Variants in IL2RA observed in about 807,000 individuals in gnomAD.
IL2RA encodes interleukin 2 receptor subunit alpha, also known as interleukin-2 receptor subunit alpha.
Under a neutral mutation model 37.8 loss-of-function variants are expected in IL2RA, and 24 were observed. The observed-to-expected ratio is 0.63, with a 90% CI of 0.46 to 0.89. IL2RA has a LOEUF of 0.89. Ranked by LOEUF, IL2RA falls within the 40% of genes least tolerant of loss-of-function variation. The pLI is 0.00. For missense variants in IL2RA, 319 were observed against 348.6 expected, an observed-to-expected ratio of 0.92 and a Z score of 0.68; for synonymous variants, 125 against 114.6, an observed-to-expected ratio of 1.09 and a Z score of -0.58.
chr10:6,051,711 G>T (rs1411787810), intron 1 of IL2RA, among the ~76,000 whole-genome samples: 1 of 143,770 alleles, frequency 7.0e-6, no homozygotes, highest in Non-Finnish European at 1.5e-5. Flanking sequence ...GTAGAGACGG[G>T]GTTTCACCAT....
chr10:6,019,328 C>T (rs1839339004), intron 6 of IL2RA, 100 bp downstream of exon 6: 10 of 894,490 alleles, frequency 1.1e-5, no homozygotes, highest in Non-Finnish European at 1.7e-5. Context: ...ACCAACTAAC[C>T]AACCTACCAG....
Position 6,047,235 on chromosome 10 carries a change from T to A in IL2RA, c.64+14853A>T, listed in dbSNP as rs1319065564. 6.6e-6 allele frequency among the ~76,000 whole-genome samples: 1 copy of A among 152,192 alleles called. No homozygotes were observed. Among genetic ancestry groups the A allele is most frequent in the East Asian group, 1.9e-4 (1 of 5,194 alleles). The stretch of plus-strand genomic sequence containing the variant: ...CAGGTAGCCCAAGGAACAACCCCCA[T>A]GCCAACAGCACTCCATCCCGACCTC... On this transcript the variant is annotated intron_variant, in intron 1 of 7. Coordinates refer to ENST00000379959, the MANE Select transcript of IL2RA (RefSeq NM_000417.3). The surrounding 1 kb of genome is among the most constrained non-coding windows in gnomAD (Gnocchi z 5.0).
Position 6,012,565 on chromosome 10 carries a change from T to C in IL2RA, c.*307A>G, listed in dbSNP as rs1839206919. 6.0e-6 allele frequency: 3 copies of C among 500,388 alleles called. No homozygotes were observed. The allele number at this position is 500,388 out of a possible 1,614,324, so 31.0% of individuals were successfully genotyped here. ...GGTGGAGAGAGTTCCATACCATTCA[T>C]GCTTTAATGAACACATATACATGAA... On this transcript the variant is annotated 3_prime_UTR_variant, in exon 8 of 8. Coordinates refer to ENST00000379959, the MANE Select transcript of IL2RA (RefSeq NM_000417.3). The surrounding 1 kb of genome is among the most constrained non-coding windows in gnomAD (Gnocchi z 4.8).
At position 6,035,385 on chromosome 10, in the gene IL2RA, C is replaced by G. The variant is rs540403439; in HGVS notation, c.65-9360G>C. On this transcript the variant is annotated intron_variant, in intron 1 of 7. Transcript: ENST00000379959. The surrounding 1 kb of genome is among the most constrained non-coding windows in gnomAD (Gnocchi z 5.4). ...CCAGGCCAAGTTCTAGGTGGGCTTC[C>G]CAAAGCCACATTCAGGCAGGACGGA... Among the ~76,000 whole-genome samples the G allele has an allele frequency of 5.9e-5, 9 of 152,286 alleles. No homozygotes were observed. The South Asian group carries it at 1.9e-3, about 32-fold the overall frequency.
At chr10:6,023,938 C>A (rs1446456063) in intron 3 of IL2RA, among the ~76,000 whole-genome samples, 1 of 152,248 alleles carries the variant, frequency 6.6e-6, no homozygotes. Context: ...GGGCCTGGCA[C>A]ACAGACCCAA....
Position 6,054,531 on chromosome 10 carries a change from G to A in IL2RA, c.64+7557C>T, listed in dbSNP as rs1049860071. Among the ~76,000 whole-genome samples, 8 of 152,132 alleles carry A rather than the reference G, an allele frequency of 5.3e-5. No individual in the cohort carries two copies. Among genetic ancestry groups the A allele is most frequent in the African/African-American group, 1.7e-4 (7 of 41,508 alleles). On this transcript the variant is annotated intron_variant, in intron 1 of 7. Coordinates refer to ENST00000379959, the MANE Select transcript of IL2RA (RefSeq NM_000417.3). The surrounding 1 kb of genome is among the most constrained non-coding windows in gnomAD (Gnocchi z 4.5). ...CGAGAATCTGAGACTCATTTGCTTG[G>A]CACACACACACAAAACTTCATGTAT...
At chr10:6,017,742 A>G (rs1839303557) in intron 7 of IL2RA, among the ~76,000 whole-genome samples, 1 of 151,772 alleles carries the variant, frequency 6.6e-6, no homozygotes, top group Non-Finnish European at 1.5e-5. Context: ...TGCCCAACTG[A>G]TTTTTTGTAT....
intron 7 of IL2RA, among the ~76,000 whole-genome samples, chr10:6,017,572 A>ATTTTTTTTTT (rs71390109): frequency 3.8e-5 from 4 of 104,862 alleles, no homozygotes; most frequent in Admixed American, 1.1e-4. Context: ...TGGTCGTTTA[A>ATTTTTTTTTT]TTTTTTTTTT....
chr10:6,062,034 A>G, intron 1 of IL2RA, 54 bp downstream of exon 1: 1 of 1,400,680 alleles, frequency 7.1e-7, no homozygotes, highest in Non-Finnish European at 1.0e-6. Flanking sequence ...GTGGCTGGGA[A>G]GAGGGATGCC....
chr10:6,033,868 G>T lies in IL2RA; in HGVS notation c.65-7843C>A, dbSNP rs7078614. Among the ~76,000 whole-genome samples the T allele has an allele frequency of 0.46, 69,420 of 152,038 alleles. 16,845 individuals are homozygous for T. The highest frequency in any genetic ancestry group is 0.63 in the African/African-American group (25,965 of 41,476). On this transcript the variant is annotated intron_variant, in intron 1 of 7. Coordinates refer to ENST00000379959, the MANE Select transcript of IL2RA (RefSeq NM_000417.3). The surrounding 1 kb of genome is among the most constrained non-coding windows in gnomAD (Gnocchi z 4.3). ...GTCAAAACTCATCAAATTGTATGCC[G>T]CAGATCTATGCATTTCTTTATAAGT...
chr10:6,019,945 G>T lies in IL2RA; in HGVS notation c.584-4C>A, dbSNP rs1375905263. On this transcript the variant is annotated splice_region_variant and splice_polypyrimidine_tract_variant and intron_variant, in intron 4 of 7. Transcript: ENST00000379959. Reference sequence around the variant, plus strand: ...CTTGCCTGAGGCTTCTCTTCACCTGGGGGAGAGAGTAAGTGATGCTGGTGG... The same window carrying T: ...CTTGCCTGAGGCTTCTCTTCACCTGTGGGAGAGAGTAAGTGATGCTGGTGG... The T allele has an allele frequency of 1.2e-6, 2 of 1,613,136 alleles. No individual in the cohort carries two copies. The highest frequency in any genetic ancestry group is 1.7e-6 in the Non-Finnish European group (2 of 1,179,072).
rs532685857 is a variant in IL2RA, at chr10:6,025,796, G to A, written c.256+38C>T. Reference sequence around the variant, plus strand: ...GGGCTCTGTCTCACTCTTTGCTGCAGTTCTTTTGTTCTTGGTAGTCACAGA... The same window carrying A: ...GGGCTCTGTCTCACTCTTTGCTGCAATTCTTTTGTTCTTGGTAGTCACAGA... On this transcript the variant is annotated intron_variant, in intron 2 of 7. Transcript: ENST00000379959. The surrounding 1 kb of genome is among the most constrained non-coding windows in gnomAD (Gnocchi z 4.4). 28 of 1,598,180 alleles carry A rather than the reference G, an allele frequency of 1.8e-5. No individual in the cohort carries two copies. Among genetic ancestry groups the A allele is most frequent in the Middle Eastern group, 1.7e-4 (1 of 5,906 alleles).
At chr10:6,034,894 G>A (rs1839656369) in intron 1 of IL2RA, among the ~76,000 whole-genome samples, 1 of 152,216 alleles carries the variant, frequency 6.6e-6, no homozygotes, top group Non-Finnish European at 1.5e-5. Flanking sequence ...AAGAGGGGAA[G>A]GGGAATATTT....
intron 1 of IL2RA, among the ~76,000 whole-genome samples, chr10:6,027,611 T>C (rs1472375688): frequency 1.3e-5 from 2 of 152,228 alleles, no homozygotes; most frequent in African/African-American, 4.8e-5. Context: ...ATAATTATTA[T>C]TTTATTGATT....
rs1839825801 is a variant in IL2RA at position 6,044,848 on chromosome 10, T to C, written c.64+17240A>G. Among the ~76,000 whole-genome samples the C allele has an allele frequency of 6.6e-6, 1 of 152,318 alleles. No individual in the cohort carries two copies. The highest frequency in any genetic ancestry group is 2.4e-5 in the African/African-American group (1 of 41,566). On this transcript the variant is annotated intron_variant, in intron 1 of 7. Coordinates refer to ENST00000379959, the MANE Select transcript of IL2RA (RefSeq NM_000417.3). This position sits in a 1 kb window ranked among gnomAD's most constrained non-coding sequence, Gnocchi z 4.5. ...AGAGCAGAGCACAAGCCTTGGGCCA[T>C]GGTAGGTTCTGAATGAGTAGTTGAG...
In IL2RA at chr10:6,036,797, A is replaced by G. The variant is rs1454915458; in HGVS notation, c.65-10772T>C. Among the ~76,000 whole-genome samples, 1 of 152,112 alleles carries G rather than the reference A, an allele frequency of 6.6e-6. No individual in the cohort carries two copies. Among genetic ancestry groups the G allele is most frequent in the East Asian group, 1.9e-4 (1 of 5,198 alleles). ...GAGATGTGGGGGACAGTCATTTTAG[A>G]GAGCGGACACCACTGCTGAAGAAGA... On this transcript the variant is annotated intron_variant, in intron 1 of 7. Coordinates refer to ENST00000379959, the MANE Select transcript of IL2RA (RefSeq NM_000417.3). The surrounding 1 kb of genome is among the most constrained non-coding windows in gnomAD (Gnocchi z 6.1).
At chr10:6,050,566 C>T (rs992108888) in intron 1 of IL2RA, among the ~76,000 whole-genome samples, 16 of 152,144 alleles carry the variant, frequency 1.1e-4, no homozygotes, top group Non-Finnish European at 2.2e-4. Flanking sequence ...ATCTCTTGAA[C>T]CCGGGAGGCA....
In IL2RA at chr10:6,022,011, A is replaced by G. The variant is rs917421058; in HGVS notation, c.368-318T>C. On this transcript the variant is annotated intron_variant, in intron 3 of 7. Coordinates refer to ENST00000379959, the MANE Select transcript of IL2RA (RefSeq NM_000417.3). This position sits in a 1 kb window ranked among gnomAD's most constrained non-coding sequence, Gnocchi z 4.7. ...ATTCTGGTTGGTGCGGCCCCGAGACAGGAACGCCACAACTGCCTCTTGGAA... is the reference window on the plus strand; with the variant it reads ...ATTCTGGTTGGTGCGGCCCCGAGACGGGAACGCCACAACTGCCTCTTGGAA... Among the ~76,000 whole-genome samples, 1 of 152,126 alleles carries G rather than the reference A, an allele frequency of 6.6e-6. No homozygotes were observed. Among genetic ancestry groups the G allele is most frequent in the African/African-American group, 2.4e-5 (1 of 41,426 alleles).
chr10:6,049,340 C>T (rs760289008), intron 1 of IL2RA, among the ~76,000 whole-genome samples: 8 of 152,222 alleles, frequency 5.3e-5, no homozygotes, highest in Non-Finnish European at 1.0e-4. Context: ...CCCCACCACA[C>T]TGGTGAGGGT....
Sources: allele counts gnomAD v4.1 joint callset (sites outside exome capture counted in the v4.1 genomes callset), GRCh38; gene constraint gnomAD v4.1.1; non-coding constraint Gnocchi (gnomAD v3.1); transcripts MANE v1.5; gene names NCBI Gene and HGNC (gene_info 2026-07-23, HGNC 2026-07-21).